The following ATXN1 variants were observed in gnomAD, a reference collection of about 807,000 sequenced individuals.
ATXN1 encodes ataxin 1, also known as ataxin-1.
A neutral mutation model predicts 56.4 loss-of-function variants in ATXN1; 8 were observed. That is an observed-to-expected ratio of 0.14 (90% CI 0.08 to 0.26). The LOEUF is 0.26. Ranked by LOEUF, ATXN1 falls within the 10% of genes least tolerant of loss-of-function variation. The pLI is 1.00. For synonymous variants in ATXN1, 514 were observed against 494.6 expected, an observed-to-expected ratio of 1.04 and a Z score of -0.52; for missense variants, 987 against 1,106.5, an observed-to-expected ratio of 0.89 and a Z score of 1.53.
intron 4 of ATXN1, among the ~76,000 whole-genome samples, chr6:16,562,850 G>A (rs1347815374): frequency 4.6e-5 from 7 of 151,986 alleles, no homozygotes; most frequent in African/African-American, 1.5e-4. Context: ...GTTTTTAAAA[G>A]ACAGGCCACA....
At position 16,626,511 on chromosome 6, in the gene ATXN1, C is replaced by T. The variant is rs2299072; in HGVS notation, c.-489+31265G>A. Among the ~76,000 whole-genome samples the T allele has an allele frequency of 1.1e-3, 175 of 152,210 alleles. 3 individuals are homozygous for T. The East Asian group carries it at 0.031, about 27-fold the overall frequency. ...TTCACCATGTTGGCCAGGCTGTTCA[C>T]GAACTCCTGACCTCAGATGATGTGC... is the stretch of plus-strand genomic sequence containing the variant. On this transcript the variant is annotated intron_variant, in intron 3 of 7. Coordinates refer to ENST00000436367, the MANE Select transcript of ATXN1 (RefSeq NM_001128164.2).
chr6:16,733,855 A>G (rs1298018099), intron 2 of ATXN1, among the ~76,000 whole-genome samples: 1 of 152,034 alleles, frequency 6.6e-6, no homozygotes, highest in Non-Finnish European at 1.5e-5. Flanking sequence ...CTCAAATGAA[A>G]AAGAACCACT....
Position 16,476,561 on chromosome 6 carries a change from C to T in ATXN1, c.-161+9411G>A, listed in dbSNP as rs565557239. ...AAAAAACAAAAACTGTACTTCTCCA[C>T]TGTATCAAAATGTACTTAATAGGTA... On this transcript the variant is annotated intron_variant, in intron 6 of 7. Coordinates refer to ENST00000436367, the MANE Select transcript of ATXN1 (RefSeq NM_001128164.2). 8.6e-5 allele frequency among the ~76,000 whole-genome samples: 13 copies of T among 151,856 alleles called. No homozygotes were observed. The East Asian group carries it at 2.5e-3, about 29-fold the overall frequency.
At chr6:16,652,587 C>T (rs1208681029) in intron 3 of ATXN1, among the ~76,000 whole-genome samples, 1 of 152,192 alleles carries the variant, frequency 6.6e-6, no homozygotes, top group Non-Finnish European at 1.5e-5. Flanking sequence ...TACTCCTCCA[C>T]CTGACATCCT....
At chr6:16,390,255 C>A (rs562003174) in intron 6 of ATXN1, among the ~76,000 whole-genome samples, 22 of 152,228 alleles carry the variant, frequency 1.4e-4, no homozygotes, top group African/African-American at 5.1e-4. Flanking sequence ...TAATTCTCAC[C>A]TCTGAATGCT....
chr6:16,477,104 T>C (rs1331774304), intron 6 of ATXN1, among the ~76,000 whole-genome samples: 1 of 152,226 alleles, frequency 6.6e-6, no homozygotes, highest in Non-Finnish European at 1.5e-5. Flanking sequence ...CAGTCTCCCT[T>C]GTTCCCCATT....
intron 6 of ATXN1, among the ~76,000 whole-genome samples, chr6:16,413,527 A>G (rs1758844619): frequency 6.6e-6 from 1 of 152,194 alleles, no homozygotes; most frequent in South Asian, 2.1e-4. Context: ...TCTAACAGTG[A>G]TATTGTGTGC....
At chr6:16,435,078 A>T (rs1013121957) in intron 6 of ATXN1, among the ~76,000 whole-genome samples, 1 of 152,202 alleles carries the variant, frequency 6.6e-6, no homozygotes, top group African/African-American at 2.4e-5. Flanking sequence ...AAATGCTTCA[A>T]GGAGGACTTT....
chr6:16,570,625 C>T (rs983982740), intron 4 of ATXN1, among the ~76,000 whole-genome samples: 1 of 152,160 alleles, frequency 6.6e-6, no homozygotes, highest in Non-Finnish European at 1.5e-5. Flanking sequence ...CATTCATTCA[C>T]TATTCATTTA....
intron 6 of ATXN1, among the ~76,000 whole-genome samples, chr6:16,393,800 G>A (rs538622465): frequency 1.3e-5 from 2 of 152,210 alleles, no homozygotes; most frequent in South Asian, 4.1e-4. Context: ...GGAGGATCAC[G>A]AGGTCAGGAG....
chr6:16,396,597 A>C (rs1758464168), intron 6 of ATXN1, among the ~76,000 whole-genome samples: 1 of 152,240 alleles, frequency 6.6e-6, no homozygotes, highest in African/African-American at 2.4e-5. Context: ...AAGAAAGAAC[A>C]ATTTAAAAAA....
chr6:16,651,387 A>G (rs1031460496), intron 3 of ATXN1, among the ~76,000 whole-genome samples: 1 of 152,146 alleles, frequency 6.6e-6, no homozygotes, highest in South Asian at 2.1e-4. Context: ...TACCAAAAAT[A>G]CAAAAAATTA....
intron 4 of ATXN1, among the ~76,000 whole-genome samples, chr6:16,582,359 C>T (rs925764975): frequency 1.3e-5 from 2 of 152,178 alleles, no homozygotes; most frequent in African/African-American, 4.8e-5. Flanking sequence ...ATCTTCAATG[C>T]CCAGCCCTAT....
At position 16,306,962 on chromosome 6, in the gene ATXN1, C is replaced by T; in HGVS notation, c.1918-103G>A. The T allele has an allele frequency of 1.5e-6, 2 of 1,298,776 alleles. No individual in the cohort carries two copies. The highest frequency in any genetic ancestry group is 2.1e-6 in the Non-Finnish European group (2 of 963,010). 80.5% of individuals were successfully genotyped at this position (1,298,776 alleles called of 1,614,324 possible). A position where few individuals can be genotyped will look rare whatever the true frequency, so the allele number is the denominator to read the frequency against. Reference sequence around the variant, plus strand: ...GCACACACACAGGTATGAACTCACACAGACACACACAGGCTGAATGGGGGA... The same window carrying T: ...GCACACACACAGGTATGAACTCACATAGACACACACAGGCTGAATGGGGGA... On this transcript the variant is annotated intron_variant, in intron 7 of 7. Coordinates refer to ENST00000436367, the MANE Select transcript of ATXN1 (RefSeq NM_001128164.2). The surrounding 1 kb of genome is among the most constrained non-coding windows in gnomAD (Gnocchi z 5.2).
intron 6 of ATXN1, among the ~76,000 whole-genome samples, chr6:16,331,063 C>T (rs1760978942): frequency 2.0e-5 from 3 of 152,042 alleles, no homozygotes; most frequent in Non-Finnish European, 4.4e-5. Context: ...GGCAATGTGC[C>T]AATCTCGGCT....
intron 5 of ATXN1, among the ~76,000 whole-genome samples, chr6:16,518,333 C>T (rs542316464): frequency 5.3e-5 from 8 of 152,376 alleles, no homozygotes; most frequent in Middle Eastern, 3.4e-3. Flanking sequence ...CTAAAGCCAA[C>T]GTGGCCTATG....
intron 6 of ATXN1, among the ~76,000 whole-genome samples, chr6:16,482,012 ATT>A (rs35940923): frequency 6.8e-6 from 1 of 147,692 alleles, no homozygotes; most frequent in East Asian, 2.0e-4. Context: ...TAGGTCTAGA[ATT>A]TTTTTTTTTT....
At chr6:16,346,181 G>A (rs1278369140) in intron 6 of ATXN1, among the ~76,000 whole-genome samples, 1 of 152,116 alleles carries the variant, frequency 6.6e-6, no homozygotes, top group African/African-American at 2.4e-5. Context: ...TCAGCCTCCT[G>A]AGTAGCTGGG....
At chr6:16,387,238 G>C (rs1758260634) in intron 6 of ATXN1, among the ~76,000 whole-genome samples, 1 of 152,212 alleles carries the variant, frequency 6.6e-6, no homozygotes, top group African/African-American at 2.4e-5. Context: ...TGAAGTAGAA[G>C]CTAGGTTAAG....
Sources: gnomAD v4.1 joint callset for allele counts (sites outside exome capture counted in the v4.1 genomes callset) on GRCh38, gnomAD v4.1.1 for gene constraint, Gnocchi (gnomAD v3.1) non-coding constraint, MANE v1.5 for transcripts, NCBI Gene and HGNC (gene_info 2026-07-23, HGNC 2026-07-21) for gene names.